NRG4: variants seen among roughly 807,000 people sequenced by gnomAD.
NRG4 encodes the protein neuregulin 4.
Under a neutral mutation model 15.0 loss-of-function variants are expected in NRG4, and 10 were observed. That is an observed-to-expected ratio of 0.67 (90% CI 0.41 to 1.13). NRG4 has a LOEUF of 1.13. Among genes scored for constraint, NRG4 ranks in the 50% most tolerant of loss-of-function variants. The pLI is 0.00. For synonymous variants in NRG4, 41 were observed against 50.1 expected, an observed-to-expected ratio of 0.82 and a Z score of 0.77; for missense variants, 139 against 140.2, an observed-to-expected ratio of 0.99 and a Z score of 0.04.
chr15:76,002,031 T>C (rs1282377981), intron 3 of NRG4, among the ~76,000 whole-genome samples: 1 of 152,054 alleles, frequency 6.6e-6, no homozygotes, highest in Non-Finnish European at 1.5e-5. Context: ...CCAGAAAGGA[T>C]AAATGAAATC....
At chr15:76,024,211 C>G (rs1161384577) in intron 5 of NRG4, among the ~76,000 whole-genome samples, 1 of 152,234 alleles carries the variant, frequency 6.6e-6, no homozygotes, top group Non-Finnish European at 1.5e-5. Context: ...CCCAGGCTGA[C>G]TGAGTAGCTG....
At chr15:75,971,771 T>TA (rs994103383) in intron 3 of NRG4, among the ~76,000 whole-genome samples, 5 of 152,130 alleles carry the variant, frequency 3.3e-5, no homozygotes, top group South Asian at 2.1e-4. Flanking sequence ...AAGAAACATT[T>TA]AAAAAAAATC....
intron 3 of NRG4, among the ~76,000 whole-genome samples, chr15:75,984,345 A>G (rs187802636): frequency 6.6e-6 from 1 of 152,204 alleles, no homozygotes; most frequent in East Asian, 1.9e-4. Flanking sequence ...CTGTGAACCT[A>G]AAACTGCCCT....
At position 76,047,209 on chromosome 15, in the gene NRG4, T is replaced by C. The variant is rs564467460; in HGVS notation, c.-105+4858A>G. Among the ~76,000 whole-genome samples the C allele has an allele frequency of 1.3e-4, 19 of 150,824 alleles. 1 individual carries two copies. The highest frequency in any genetic ancestry group is 4.7e-4 in the African/African-American group (19 of 40,438). On this transcript the variant is annotated intron_variant, in intron 4 of 8. Coordinates refer to the NRG4 transcript ENST00000563910. ...TTAGTACAACCTCTATGCAGAACAG[T>C]ATGGCGGCTTCTCAAAAGCCTAAAA... is the stretch of plus-strand genomic sequence containing the variant.
intron 5 of NRG4, among the ~76,000 whole-genome samples, chr15:75,952,950 C>T (rs2031999065): frequency 2.6e-5 from 4 of 152,076 alleles, no homozygotes; most frequent in Admixed American, 2.6e-4. Context: ...AAAATTTTCT[C>T]TCAGAAGTAG....
At chr15:76,036,727 T>A (rs1050203883) in intron 4 of NRG4, among the ~76,000 whole-genome samples, 1 of 152,224 alleles carries the variant, frequency 6.6e-6, no homozygotes, top group East Asian at 1.9e-4. Context: ...AAGTGCTAGC[T>A]ATTATCATCA....
At chr15:75,963,733 G>A (rs1159751019) in intron 3 of NRG4, among the ~76,000 whole-genome samples, 3 of 148,458 alleles carry the variant, frequency 2.0e-5, no homozygotes, top group African/African-American at 5.0e-5. Flanking sequence ...AGCTGAGATC[G>A]TGCCACTGCA....
intron 2 of NRG4, among the ~76,000 whole-genome samples, chr15:76,056,174 G>A (rs1279595229): frequency 6.6e-6 from 1 of 152,138 alleles, no homozygotes; most frequent in African/African-American, 2.4e-5. Flanking sequence ...GCGGCCGGGC[G>A]CAGTGGCTCA....
In NRG4 at chr15:75,971,117, C is replaced by T. The variant is rs144099910; in HGVS notation, c.105-9143G>A. 1.3e-3 allele frequency: 455 copies of T among 340,460 alleles called. 5 individuals are homozygous for T. The highest frequency in any genetic ancestry group is 8.0e-3 in the African/African-American group (366 of 45,680). The allele number at this position is 340,460 out of a possible 1,614,324, so 21.1% of individuals were successfully genotyped here. ...ATAAAACAGATTGCCCTGTGGATACCGACTAGTTTCATACCTATTTGTAAA... is the reference window on the plus strand; with the variant it reads ...ATAAAACAGATTGCCCTGTGGATACTGACTAGTTTCATACCTATTTGTAAA... On this transcript the variant is annotated intron_variant, in intron 3 of 5. Coordinates refer to ENST00000394907, the MANE Select transcript of NRG4 (RefSeq NM_138573.4).
intron 3 of NRG4, among the ~76,000 whole-genome samples, chr15:76,008,566 T>C (rs935655652): frequency 6.6e-6 from 1 of 152,154 alleles, no homozygotes; most frequent in Non-Finnish European, 1.5e-5. Context: ...GTTTATTATA[T>C]ACATTTAAAT....
At chr15:76,029,839 C>T (rs1567119459) in intron 5 of NRG4, among the ~76,000 whole-genome samples, 1 of 152,136 alleles carries the variant, frequency 6.6e-6, no homozygotes, top group Admixed American at 6.5e-5. Context: ...TTAAAATAAT[C>T]ATACTACCCA....
chr15:75,989,674 T>C (rs2033933843), intron 3 of NRG4, among the ~76,000 whole-genome samples: 1 of 152,250 alleles, frequency 6.6e-6, no homozygotes, highest in Non-Finnish European at 1.5e-5. Context: ...AGGTTTTCTT[T>C]TAAATTCTTT....
At chr15:75,976,986 CCCTGACTGGGGCTGCTG>C (rs1257407148) in intron 3 of NRG4, among the ~76,000 whole-genome samples, 1 of 152,184 alleles carries the variant, frequency 6.6e-6, no homozygotes, top group Admixed American at 6.5e-5. Flanking sequence ...ATCTGTAAGT[CCCTGACTGGGGCTGCTG>C]CCTTTCTTTC....
chr15:76,015,478 T>C (rs55673246), upstream of NRG4, among the ~76,000 whole-genome samples: 5,637 of 152,318 alleles, frequency 0.037, 182 homozygotes, highest in African/African-American at 0.085. Flanking sequence ...GGCTGTGGGT[T>C]TGTCATAAAT....
At chr15:75,938,719 A>C (rs896696957), downstream of NRG4, 11 of 152,232 alleles carry the variant, frequency 7.2e-5, no homozygotes, top group African/African-American at 2.2e-4. Context: ...AGAAACAACA[A>C]ATCAAGCCTA....
intron 1 of NRG4, among the ~76,000 whole-genome samples, chr15:76,059,154 T>TA (rs2036232084): frequency 6.6e-6 from 1 of 152,134 alleles, no homozygotes; most frequent in Non-Finnish European, 1.5e-5. Context: ...TGGGGACGTG[T>TA]AAAAAGCCTT....
At chr15:75,968,237 C>T (rs2032915855) in intron 3 of NRG4, among the ~76,000 whole-genome samples, 1 of 152,062 alleles carries the variant, frequency 6.6e-6, no homozygotes, top group African/African-American at 2.4e-5. Context: ...TCTTTACTCT[C>T]CTTACTTTGC....
At chr15:76,039,907 A>G (rs1259755419) in intron 4 of NRG4, among the ~76,000 whole-genome samples, 2 of 152,074 alleles carry the variant, frequency 1.3e-5, no homozygotes, top group Non-Finnish European at 2.9e-5. Context: ...GGTGGCACAC[A>G]CCTATGCTCT....
chr15:76,025,989 C>T (rs2035306242), intron 5 of NRG4, among the ~76,000 whole-genome samples: 1 of 151,592 alleles, frequency 6.6e-6, no homozygotes, highest in South Asian at 2.1e-4. Context: ...AGGCAGCCCC[C>T]GACTACACAC....
Sources: gnomAD v4.1 joint callset for allele counts (sites outside exome capture counted in the v4.1 genomes callset) on GRCh38, gnomAD v4.1.1 for gene constraint, MANE v1.5 for transcripts, NCBI Gene and HGNC (gene_info 2026-07-23, HGNC 2026-07-21) for gene names.